Variants in RPS3A observed in about 807,000 individuals in gnomAD.
The protein encoded by RPS3A is small ribosomal subunit protein eS1.
A neutral mutation model predicts 26.4 loss-of-function variants in RPS3A; 1 was observed. That is an observed-to-expected ratio of 0.04 (90% CI 0.01 to 0.18). RPS3A has a LOEUF of 0.18. Ranked by LOEUF, RPS3A falls within the 10% of genes least tolerant of loss-of-function variation. The pLI is 1.00. For synonymous variants in RPS3A, 97 were observed against 106.1 expected (o/e 0.91, Z 0.53); for missense variants, 139 against 326.8 (o/e 0.43, Z 4.43).
chr4:151,102,380 T>C (rs1409772520), intron 3 of RPS3A, among the ~76,000 whole-genome samples: 3 of 152,220 alleles, frequency 2.0e-5, no homozygotes, highest in Non-Finnish European at 4.4e-5. Context: ...GGCTTTAGTT[T>C]GGAACATAAA....
intron 4 of RPS3A, 136 bp from the exon 5 acceptor site, chr4:151,104,041 C>T (rs1747253700): frequency 1.8e-5 from 27 of 1,487,566 alleles, no homozygotes; most frequent in Non-Finnish European, 2.2e-5. Flanking sequence ...CTTATCTTAA[C>T]AGGAGGATTT....
chr4:151,101,517 C>CTGTGGCAGTAGAGCATAAT (rs1360314973), intron 3 of RPS3A, among the ~76,000 whole-genome samples: 2 of 152,114 alleles, frequency 1.3e-5, no homozygotes, highest in African/African-American at 2.4e-5. Flanking sequence ...TGTTGATTAA[C>CTGTGGCAGTAGAGCATAAT]TGTGGCAGTA....
chr4:151,102,927 G>T lies in RPS3A; in HGVS notation c.411G>T (p.Leu137=), dbSNP rs774279716. Residue 137 remains leucine, a synonymous_variant, in exon 4 of 6, where the codon CTG becomes CTT. Coordinates refer to ENST00000274065, the MANE Select transcript of RPS3A (RefSeq NM_001006.5). The part of the protein sequence containing the change: ...VKTTDGYLLR[L]FCVGFTKKRN... The stretch of plus-strand genomic sequence containing the variant: ...CTACCGATGGTTACTTGCTTCGTCT[G>T]TTCTGTGTTGGTTTTACTAAAAAAC... 8.1e-6 allele frequency: 13 copies of T among 1,612,108 alleles called. No homozygotes were observed. In the South Asian group the frequency reaches 1.4e-4, roughly 18 times the overall value.
At chr4:151,103,298 C>G (rs187100259) in intron 4 of RPS3A, 9 of 913,146 alleles carry the variant, frequency 9.9e-6, no homozygotes, top group Non-Finnish European at 1.3e-5. Context: ...TGCCCAGGCT[C>G]GAGTGCAGTA....
chr4:151,100,079 C>G (rs879723214), intron 1 of RPS3A: 17 of 539,752 alleles, frequency 3.1e-5, no homozygotes, highest in Non-Finnish European at 6.0e-5. Context: ...TCAATCTCGC[C>G]TTTGCTTGGT....
intron 3 of RPS3A, chr4:151,102,265 AC>A (rs1164801234): frequency 2.0e-5 from 5 of 245,510 alleles, no homozygotes; most frequent in Non-Finnish European, 4.1e-5. Flanking sequence ...TTTCATCACT[AC>A]CCAAGATGTT....
At chr4:151,104,444 T>TTTC in intron 5 of RPS3A, 28 bp from the exon 6 acceptor site, 5 of 1,330,582 alleles carry the variant, frequency 3.8e-6, no homozygotes, top group Non-Finnish European at 3.9e-6. Flanking sequence ...TTTTGGTTTT[T>TTTC]TTTTTTTTTT....
At chr4:151,101,255 T>A in intron 3 of RPS3A, 93 bp downstream of exon 3, 1 of 727,072 alleles carries the variant, frequency 1.4e-6, no homozygotes, top group Non-Finnish European at 2.1e-6. Context: ...TTCATTTTAT[T>A]TATTTATTGA....
At position 151,101,103 on chromosome 4, in the gene RPS3A, A is replaced by G. The variant is rs1025970589; in HGVS notation, c.295A>G (p.Asn99Asp). The change falls in exon 3 of 6, where the codon AAC (asparagine) becomes GAC (aspartate). Residue 99 changes from asparagine (N) to aspartate (D), a missense_variant. By Grantham distance (23) the Asn-to-Asp change is conservative. Coordinates refer to ENST00000274065, the MANE Select transcript of RPS3A (RefSeq NM_001006.5). ...EDVQGKNCLT[N>D]FHGMDLTRDK... ...TGTTCAGGGTAAAAACTGCCTGACT[A>G]ACTTCCATGGCATGGATCTTACCCG... 4 of 1,608,020 alleles carry G rather than the reference A, an allele frequency of 2.5e-6. No homozygotes were observed. The highest frequency in any genetic ancestry group is 1.3e-5 in the African/African-American group (1 of 74,878).
intron 3 of RPS3A, 22 bp downstream of exon 3, chr4:151,101,184 A>G (rs767367968): frequency 1.3e-6 from 2 of 1,555,910 alleles, no homozygotes; most frequent in South Asian, 2.3e-5. Context: ...AGTTCCTTAG[A>G]GTGGTTGTGC....
chr4:151,102,039 G>C (rs201663460), intron 3 of RPS3A: 1 of 517,780 alleles, frequency 1.9e-6, no homozygotes. Flanking sequence ...GGCACAGTTC[G>C]AATATTTTGT....
intron 1 of RPS3A, 145 bp from the exon 2 acceptor site, chr4:151,100,340 T>C (rs1050525047): frequency 3.4e-6 from 2 of 595,820 alleles, no homozygotes; most frequent in Admixed American, 3.0e-5. Flanking sequence ...GATTTATGTT[T>C]GTTCCCCTCA....
chr4:151,103,950 CAG>C, intron 4 of RPS3A: 2 of 1,521,898 alleles, frequency 1.3e-6, no homozygotes, highest in Non-Finnish European at 1.8e-6. Context: ...GGCTTGGACT[CAG>C]AAGACTCTAC....
At chr4:151,101,286 A>G (rs928408329) in intron 3 of RPS3A, 124 bp downstream of exon 3, 2 of 565,338 alleles carry the variant, frequency 3.5e-6, no homozygotes, top group East Asian at 3.2e-5. Context: ...ATGTCCACAA[A>G]GTTCATTTTA....
At chr4:151,102,445 A>G (rs1022501938) in intron 3 of RPS3A, among the ~76,000 whole-genome samples, 5 of 142,680 alleles carry the variant, frequency 3.5e-5, no homozygotes, top group African/African-American at 1.3e-4. Context: ...TTTACAACAC[A>G]GTTTTTTGAA....
At chr4:151,103,844 G>A (rs1240594329) in intron 4 of RPS3A, 30 of 1,386,408 alleles carry the variant, frequency 2.2e-5, no homozygotes, top group Non-Finnish European at 2.7e-5. Context: ...GATGAAAAAA[G>A]TTTCGGTCCC....
intron 4 of RPS3A, 110 bp from the exon 5 acceptor site, chr4:151,104,067 G>GGT (rs1251605521): frequency 1.3e-6 from 2 of 1,500,520 alleles, no homozygotes; most frequent in Admixed American, 2.4e-5. Context: ...GGTTAAATGA[G>GGT]GTAGGTGTTA....
intron 4 of RPS3A, chr4:151,103,448 G>A (rs1251082146): frequency 2.2e-6 from 2 of 894,680 alleles, no homozygotes; most frequent in African/African-American, 1.8e-5. Flanking sequence ...TAGAGATGGG[G>A]TTTCATCATG....
intron 3 of RPS3A, 125 bp from the exon 4 acceptor site, chr4:151,102,746 A>G (rs1747185030): frequency 9.2e-7 from 1 of 1,092,224 alleles, no homozygotes; most frequent in Non-Finnish European, 1.3e-6. Context: ...AAGAGATGTT[A>G]CTTATGTTAG....
Sources: allele counts gnomAD v4.1 joint callset (sites outside exome capture counted in the v4.1 genomes callset), GRCh38; gene constraint gnomAD v4.1.1; transcripts MANE v1.5; gene names NCBI Gene and HGNC (gene_info 2026-07-23, HGNC 2026-07-21).